The following MAPT variants were observed in gnomAD, a reference collection of about 807,000 sequenced individuals.
MAPT encodes the protein microtubule associated protein tau.
In MAPT, 34 loss-of-function variants were observed where a neutral mutation model predicts 67.9. That is an observed-to-expected ratio of 0.50 (90% CI 0.38 to 0.67). The LOEUF (loss-of-function observed/expected upper bound fraction) is 0.67, where lower values mean the gene tolerates loss of function less well. Among genes scored for constraint, MAPT ranks in the 30% least tolerant of loss-of-function variants. The probability of loss-of-function intolerance (pLI) is 0.00; values close to 1 mark genes in which losing one functional copy is unlikely to be tolerated. For synonymous variants in MAPT, 456 were observed against 464.5 expected (o/e 0.98, Z 0.23); for missense variants, 881 against 1,115.2 (o/e 0.79, Z 2.99).
At position 45,983,146 on chromosome 17, in the gene MAPT, G is replaced by A. The variant is rs771938835; in HGVS notation, c.567G>A (p.Pro189=). The change falls in exon 5 of 13, where the codon CCG becomes CCA. Residue 189 remains proline (P), a synonymous_variant. Transcript: ENST00000262410. ...GGGCCGAGAAGGGTCCGGCCTTTCCGAAGCCCGCCACCACTGCGTATCTCC... is the reference window on the plus strand; with the variant it reads ...GGGCCGAGAAGGGTCCGGCCTTTCCAAAGCCCGCCACCACTGCGTATCTCC... ...GDWAEKGPAF[P]KPATTAYLHT... The A allele has an allele frequency of 2.4e-5, 38 of 1,595,810 alleles. No homozygotes were observed. The highest frequency in any genetic ancestry group is 2.9e-5 in the Non-Finnish European group (34 of 1,171,074).
chr17:45,922,506 C>CACACAT (rs993461299), intron 1 of MAPT, among the ~76,000 whole-genome samples: 4 of 136,920 alleles, frequency 2.9e-5, no homozygotes, highest in African/African-American at 7.5e-5. Flanking sequence ...CACACACACA[C>CACACAT]ACACACACAC....
intron 1 of MAPT, among the ~76,000 whole-genome samples, chr17:45,904,338 ATATATATAT>A (rs1434963461): frequency 0.018 from 1,133 of 62,424 alleles, 54 homozygotes; most frequent in African/African-American, 0.043. Context: ...ATTATATATT[ATATATATAT>A]TATATATATT....
At chr17:45,961,642 G>A (rs17650860) in intron 1 of MAPT, among the ~76,000 whole-genome samples, 21,639 of 152,032 alleles carry the variant, frequency 0.14, 2,101 homozygotes, top group Non-Finnish European at 0.22. Flanking sequence ...CTGTTCAGTC[G>A]TGCCCTCACC....
intron 1 of MAPT, among the ~76,000 whole-genome samples, chr17:45,912,574 C>T (rs1336387270): frequency 6.6e-6 from 1 of 152,170 alleles, no homozygotes; most frequent in South Asian, 2.1e-4. Flanking sequence ...GGGAGTGTGG[C>T]CCTGCTGACA....
At chr17:45,963,895 A>G (rs572710895) in intron 2 of MAPT, among the ~76,000 whole-genome samples, 2 of 152,254 alleles carry the variant, frequency 1.3e-5, no homozygotes, top group East Asian at 1.9e-4. Context: ...ATATTGGATT[A>G]TGAGGAATTT....
In MAPT at chr17:45,990,087, AC is replaced by A; in HGVS notation, c.1605+14del. ...AGATGAAACTCAAGGTAAGGAAACC[AC>A]CTTTGAAAAGAACCAGGCTGCTCTG... On this transcript the variant is annotated intron_variant, in intron 7 of 12. Coordinates refer to ENST00000262410, the MANE Select transcript of MAPT (RefSeq NM_001377265.1). The A allele has an allele frequency of 6.2e-7, 1 of 1,613,292 alleles. No homozygotes were observed. Among genetic ancestry groups the A allele is most frequent in the East Asian group, 2.2e-5 (1 of 44,886 alleles).
intron 9 of MAPT, among the ~76,000 whole-genome samples, chr17:45,999,046 C>T (rs892970100): frequency 1.3e-5 from 2 of 152,204 alleles, no homozygotes; most frequent in African/African-American, 2.4e-5. Context: ...ATCTGCTGCT[C>T]CCCGTCTGGG....
intron 1 of MAPT, among the ~76,000 whole-genome samples, chr17:45,911,499 G>A (rs948041202): frequency 8.6e-5 from 13 of 152,038 alleles, no homozygotes; most frequent in Admixed American, 5.2e-4. Context: ...AGTGGCTCAC[G>A]CCTGGAATCC....
intron 1 of MAPT, chr17:45,898,670 T>A (rs1021160749): frequency 6.6e-6 from 1 of 152,224 alleles, no homozygotes; most frequent in South Asian, 2.1e-4. Flanking sequence ...GGACATGTGA[T>A]AATTTTCCAA....
intron 3 of MAPT, 67 bp from the exon 4 acceptor site, chr17:45,978,308 G>A (rs912685293): frequency 1.6e-6 from 2 of 1,252,512 alleles, no homozygotes; most frequent in African/African-American, 2.9e-5. Flanking sequence ...GGTACAGAGA[G>A]CTTGGTTTCT....
In MAPT at chr17:46,027,549, G is replaced by A. The variant is rs908661136; in HGVS notation, c.*3378G>A. 1.3e-5 allele frequency: 2 copies of A among 152,288 alleles called. No homozygotes were observed. The highest frequency in any genetic ancestry group is 2.9e-5 in the Non-Finnish European group (2 of 68,122). The allele number at this position is 152,288 out of a possible 1,614,324, so 9.4% of individuals were successfully genotyped here. A position where few individuals can be genotyped will look rare whatever the true frequency, so the allele number is the denominator to read the frequency against. On this transcript the variant is annotated 3_prime_UTR_variant, in exon 13 of 13. Coordinates refer to ENST00000262410, the MANE Select transcript of MAPT (RefSeq NM_001377265.1). ...TTGCTTGTTGTGCTATGGGGGGAGG[G>A]GGGAGGAATGTGTAAGATAGTTAAC...
intron 11 of MAPT, among the ~76,000 whole-genome samples, chr17:46,014,601 G>A (rs1165095850): frequency 1.3e-5 from 2 of 152,210 alleles, no homozygotes; most frequent in African/African-American, 2.4e-5. Flanking sequence ...TCGGCCGGGC[G>A]CTGTGGCTCA....
Position 45,982,860 on chromosome 17 carries a change from A to C in MAPT, c.287-6A>C. ...ACCTTTTGCTATCGCTGCCTCTTCA[A>C]ACCAGAGGAGTTGAGAGTTCCGGGC... is the stretch of plus-strand genomic sequence containing the variant. On this transcript the variant is annotated splice_polypyrimidine_tract_variant and splice_region_variant and intron_variant, in intron 4 of 12. Transcript: ENST00000262410. 1.5e-6 allele frequency: 2 copies of C among 1,304,972 alleles called. No individual in the cohort carries two copies. The highest frequency in any genetic ancestry group is 4.8e-5 in the South Asian group (2 of 41,862). The allele number at this position is 1,304,972 out of a possible 1,614,324, so 80.8% of individuals were successfully genotyped here. A position where few individuals can be genotyped will look rare whatever the true frequency, so the allele number is the denominator to read the frequency against.
intron 1 of MAPT, chr17:45,907,603 A>T (rs893473561): frequency 6.6e-6 from 1 of 152,212 alleles, no homozygotes; most frequent in African/African-American, 2.4e-5. Context: ...CCTTATTTAA[A>T]TCAAGTCAGT....
At position 46,028,180 on chromosome 17, in the gene MAPT, G is replaced by C. The variant is rs1217573434; in HGVS notation, c.*4009G>C. 3 of 114,326 alleles carry C rather than the reference G, an allele frequency of 2.6e-5. No homozygotes were observed. Among genetic ancestry groups the C allele is most frequent in the Admixed American group, 2.4e-4 (2 of 8,314 alleles). The allele number at this position is 114,326 out of a possible 1,614,324, so 7.1% of individuals were successfully genotyped here. A position where few individuals can be genotyped will look rare whatever the true frequency, so the allele number is the denominator to read the frequency against. On this transcript the variant is annotated 3_prime_UTR_variant, in exon 13 of 13. Coordinates refer to ENST00000262410, the MANE Select transcript of MAPT (RefSeq NM_001377265.1). ...ACTTGCAAGTCCCATGATTTCTTCG[G>C]TAATTCTGAGGGTGGGGGGAGGGAC...
chr17:45,914,034 G>T (rs1465747607), intron 1 of MAPT, among the ~76,000 whole-genome samples: 7 of 152,156 alleles, frequency 4.6e-5, no homozygotes, highest in African/African-American at 1.4e-4. Context: ...AAAACAGGTA[G>T]CTCACAGGAA....
chr17:46,011,045 G>T (rs1381013291), intron 10 of MAPT, among the ~76,000 whole-genome samples: 1 of 152,238 alleles, frequency 6.6e-6, no homozygotes, highest in East Asian at 1.9e-4. Context: ...AGTGCGACAG[G>T]TCCCTCTGCC....
intron 4 of MAPT, chr17:45,978,679 T>C (rs1288358452): frequency 3.7e-6 from 2 of 536,470 alleles, no homozygotes; most frequent in East Asian, 6.1e-5. Context: ...ATGCTAGCCT[T>C]GTCCAGCCTG....
chr17:45,951,657 G>A (rs893055455), intron 1 of MAPT, among the ~76,000 whole-genome samples: 2 of 152,050 alleles, frequency 1.3e-5, no homozygotes, highest in Non-Finnish European at 2.9e-5. Context: ...TCTGAAGAAG[G>A]CACCAACAGT....
Sources: allele counts gnomAD v4.1 joint callset (sites outside exome capture counted in the v4.1 genomes callset), GRCh38; gene constraint gnomAD v4.1.1; transcripts MANE v1.5; gene names NCBI Gene and HGNC (gene_info 2026-07-23, HGNC 2026-07-21).